HS1BP3: variants seen among roughly 807,000 people sequenced by gnomAD.
HS1BP3 encodes HCLS1 binding protein 3.
Under a neutral mutation model 33.5 loss-of-function variants are expected in HS1BP3, and 32 were observed. That is an observed-to-expected ratio of 0.95 (90% CI 0.72 to 1.28). The LOEUF (loss-of-function observed/expected upper bound fraction) is 1.28, where lower values mean the gene tolerates loss of function less well. HS1BP3 is among the 50% of genes most tolerant of loss of function. HS1BP3 has a pLI of 0.00. For synonymous variants in HS1BP3, 187 were observed against 209.2 expected (o/e 0.89, Z 0.92); for missense variants, 486 against 502.3 (o/e 0.97, Z 0.31).
intron 5 of HS1BP3, among the ~76,000 whole-genome samples, chr2:20,624,357 C>T (rs1232544258): frequency 6.6e-6 from 1 of 152,162 alleles, no homozygotes; most frequent in Non-Finnish European, 1.5e-5. Flanking sequence ...CGGAGGACGA[C>T]CTGGGCATGT....
At chr2:20,613,593 C>T (rs1399325550), downstream of HS1BP3, among the ~76,000 whole-genome samples, 1 of 152,234 alleles carries the variant, frequency 6.6e-6, no homozygotes, top group Non-Finnish European at 1.5e-5. Context: ...TCTAAGGAGT[C>T]ATTTCACTAT....
intron 4 of HS1BP3, among the ~76,000 whole-genome samples, chr2:20,630,564 T>C (rs542573883): frequency 2.0e-5 from 3 of 152,366 alleles, no homozygotes; most frequent in African/African-American, 7.2e-5. Flanking sequence ...CCACTGTGCC[T>C]GGCTGGTTTT....
At chr2:20,624,949 C>T in intron 4 of HS1BP3, 57 bp from the exon 5 acceptor site, 1 of 1,589,994 alleles carries the variant, frequency 6.3e-7, no homozygotes, top group Non-Finnish European at 8.6e-7. Context: ...TCCAGGTGGT[C>T]CGGTCAGACC....
At chr2:20,610,526 A>ATCT (rs58169980) in intron 2 of HS1BP3, among the ~76,000 whole-genome samples, 4,314 of 152,136 alleles carry the variant, frequency 0.028, 209 homozygotes, top group African/African-American at 0.099. Flanking sequence ...TTTCCTCCAT[A>ATCT]TCTTTTCATG....
intron 2 of HS1BP3, among the ~76,000 whole-genome samples, chr2:20,606,988 T>TG (rs397762074): frequency 6.6e-6 from 1 of 152,010 alleles, no homozygotes; most frequent in Non-Finnish European, 1.5e-5. Context: ...TATTTTTTTT[T>TG]GGCCGCTTGT....
intron 5 of HS1BP3, among the ~76,000 whole-genome samples, chr2:20,568,755 A>T (rs2149271711): frequency 6.6e-6 from 1 of 152,250 alleles, no homozygotes; most frequent in African/African-American, 2.4e-5. Context: ...TGGGGACAGG[A>T]TGGAGAACCA....
chr2:20,605,236 A>G (rs1391553972), intron 2 of HS1BP3, among the ~76,000 whole-genome samples: 1 of 152,038 alleles, frequency 6.6e-6, no homozygotes, highest in Non-Finnish European at 1.5e-5. Context: ...TCTCCTCATC[A>G]AGATTTCAGC....
chr2:20,556,185 T>C (rs1311082143), downstream of HS1BP3, among the ~76,000 whole-genome samples: 1 of 152,250 alleles, frequency 6.6e-6, no homozygotes, highest in African/African-American at 2.4e-5. Flanking sequence ...GCAGTTTCTA[T>C]TGACTTCCTG....
At chr2:20,650,417 G>A (rs1156369982) in intron 1 of HS1BP3, among the ~76,000 whole-genome samples, 1 of 152,156 alleles carries the variant, frequency 6.6e-6, no homozygotes, top group East Asian at 1.9e-4. Flanking sequence ...TGCATCCTCC[G>A]CCTGGACCCC....
intron 6 of HS1BP3, chr2:20,622,868 T>C (rs1414723150): frequency 6.4e-6 from 1 of 156,098 alleles, no homozygotes; most frequent in Non-Finnish European, 1.4e-5. Context: ...CTTGGGGACA[T>C]GTAAATACCA....
At chr2:20,614,663 G>A (rs571928164), downstream of HS1BP3, among the ~76,000 whole-genome samples, 2 of 152,238 alleles carry the variant, frequency 1.3e-5, no homozygotes, top group Admixed American at 6.5e-5. Flanking sequence ...GAAAACAAAC[G>A]ACATGATTGG....
chr2:20,605,247 A>G (rs1694150387), intron 2 of HS1BP3, among the ~76,000 whole-genome samples: 1 of 152,132 alleles, frequency 6.6e-6, no homozygotes, highest in Non-Finnish European at 1.5e-5. Flanking sequence ...AGATTTCAGC[A>G]TCATCTATAG....
chr2:20,640,700 G>T, intron 3 of HS1BP3: 1 of 590,518 alleles, frequency 1.7e-6, no homozygotes, highest in Non-Finnish European at 3.1e-6. Flanking sequence ...CTAGGAATGG[G>T]GCTGGCCAGG....
chr2:20,557,927 G>A (rs1476465672), downstream of HS1BP3, among the ~76,000 whole-genome samples: 2 of 152,194 alleles, frequency 1.3e-5, no homozygotes, highest in East Asian at 3.9e-4. Context: ...GAGGAGCCCT[G>A]GTCTGACCCG....
intron 5 of HS1BP3, among the ~76,000 whole-genome samples, chr2:20,578,275 C>A (rs193144038): frequency 1.3e-5 from 2 of 152,154 alleles, no homozygotes; most frequent in Non-Finnish European, 2.9e-5. Flanking sequence ...CCCTCAGAGG[C>A]GGGATGGGAT....
chr2:20,641,459 G>C (rs1007488658), intron 2 of HS1BP3, among the ~76,000 whole-genome samples: 1 of 152,188 alleles, frequency 6.6e-6, no homozygotes, highest in African/African-American at 2.4e-5. Flanking sequence ...ATTTGATACA[G>C]GGACCCCTGC....
chr2:20,626,720 C>CT (rs1331362325), intron 4 of HS1BP3, among the ~76,000 whole-genome samples: 2 of 152,128 alleles, frequency 1.3e-5, no homozygotes, highest in Non-Finnish European at 2.9e-5. Context: ...ACCTCCTCTG[C>CT]TGTGCACCAC....
At chr2:20,556,849 C>T (rs912483959), downstream of HS1BP3, among the ~76,000 whole-genome samples, 1 of 152,208 alleles carries the variant, frequency 6.6e-6, no homozygotes, top group Non-Finnish European at 1.5e-5. Context: ...AGAAGAAACA[C>T]ACTCTTCTTT....
Position 20,619,251 on chromosome 2 carries a change from GA to G in HS1BP3, c.921-7del. ...GGTCCAAGTCCTCTTCAACTCTAGG[GA>G]ACCACAGGGAGGAACCCTGAGCATA... On this transcript the variant is annotated splice_polypyrimidine_tract_variant and splice_region_variant and intron_variant, in intron 6 of 6. Coordinates refer to ENST00000304031, the MANE Select transcript of HS1BP3 (RefSeq NM_022460.4). The G allele has an allele frequency of 6.3e-7, 1 of 1,588,858 alleles. No individual in the cohort carries two copies.
Sources: allele counts gnomAD v4.1 joint callset (sites outside exome capture counted in the v4.1 genomes callset), GRCh38; gene constraint gnomAD v4.1.1; transcripts MANE v1.5; gene names NCBI Gene and HGNC (gene_info 2026-07-23, HGNC 2026-07-21).